UBE2W: variants seen among roughly 807,000 people sequenced by gnomAD.
UBE2W encodes the protein ubiquitin-conjugating enzyme E2 W.
Under a neutral mutation model 27.2 loss-of-function variants are expected in UBE2W, and 18 were observed. That is an observed-to-expected ratio of 0.66 (90% confidence interval 0.46 to 0.98). The LOEUF (loss-of-function observed/expected upper bound fraction) is 0.98, where lower values mean the gene tolerates loss of function less well. UBE2W is among the 50% of genes least tolerant of loss of function. The pLI, the probability that UBE2W is intolerant of heterozygous loss-of-function variation, is 0.00. For synonymous variants in UBE2W, 53 were observed against 57.2 expected (o/e 0.93, Z 0.33); for missense variants, 90 against 180.2 (o/e 0.50, Z 2.87).
At chr8:73,802,102 G>GT (rs1423531624) in intron 5 of UBE2W, among the ~76,000 whole-genome samples, 1 of 152,210 alleles carries the variant, frequency 6.6e-6, no homozygotes, top group Non-Finnish European at 1.5e-5. Flanking sequence ...TGTTAAGGAT[G>GT]TTTTTTAGGA....
chr8:73,842,515 G>C (rs572186673), intron 1 of UBE2W, among the ~76,000 whole-genome samples: 1,238 of 119,778 alleles, frequency 0.01, 20 homozygotes, highest in African/African-American at 0.042. Context: ...GGCGACAGAG[G>C]GAGACTCCGT....
intron 5 of UBE2W, among the ~76,000 whole-genome samples, chr8:73,803,412 A>C (rs1808729227): frequency 6.6e-6 from 1 of 152,164 alleles, no homozygotes; most frequent in Non-Finnish European, 1.5e-5. Context: ...AAATAAGAGG[A>C]ACTGTATTTC....
chr8:73,832,341 G>A (rs762758260), intron 1 of UBE2W, among the ~76,000 whole-genome samples: 4 of 151,880 alleles, frequency 2.6e-5, no homozygotes, highest in Non-Finnish European at 4.4e-5. Flanking sequence ...ACAAAAAGAA[G>A]CAAATAAACT....
intron 1 of UBE2W, chr8:73,833,742 T>C (rs1271516190): frequency 6.6e-6 from 1 of 152,170 alleles, no homozygotes; most frequent in African/African-American, 2.4e-5. Context: ...GCATGCAAGA[T>C]TATAAAGGGT....
rs191499603 is a variant in UBE2W at position 73,877,888 on chromosome 8, G to A, written c.15+920C>T. Among the ~76,000 whole-genome samples, 3 of 152,288 alleles carry A rather than the reference G, an allele frequency of 2.0e-5. No homozygotes were observed. The East Asian group carries it at 5.8e-4, about 29-fold the overall frequency. On this transcript the variant is annotated intron_variant, in intron 1 of 5. Coordinates refer to ENST00000602593, the MANE Select transcript of UBE2W (RefSeq NM_018299.6). Reference sequence around the variant, plus strand: ...ACAACTCCCTAGATTCGGGAAAAAGGAGTAAATTAAGTTGGAAAGCCAGAA... The same window carrying A: ...ACAACTCCCTAGATTCGGGAAAAAGAAGTAAATTAAGTTGGAAAGCCAGAA...
chr8:73,799,825 C>T (rs1051037931), intron 5 of UBE2W, among the ~76,000 whole-genome samples: 15 of 152,122 alleles, frequency 9.9e-5, no homozygotes, highest in African/African-American at 3.1e-4. Context: ...TTGAAAGTCA[C>T]ATAAGGAAAC....
chr8:73,869,856 T>C (rs887770774), intron 1 of UBE2W, among the ~76,000 whole-genome samples: 8 of 151,788 alleles, frequency 5.3e-5, no homozygotes, highest in East Asian at 2.0e-4. Flanking sequence ...AATGAGACCC[T>C]GTCTCACCTG....
At chr8:73,843,453 C>T (rs991502634) in intron 1 of UBE2W, among the ~76,000 whole-genome samples, 54 of 151,946 alleles carry the variant, frequency 3.6e-4, no homozygotes, top group African/African-American at 1.3e-3. Context: ...GGCCACACAG[C>T]GAGACCACAT....
At chr8:73,860,780 A>G (rs1404499826) in intron 1 of UBE2W, among the ~76,000 whole-genome samples, 1 of 152,184 alleles carries the variant, frequency 6.6e-6, no homozygotes. Flanking sequence ...ACAAACAAAC[A>G]AAAAACCTAG....
intron 1 of UBE2W, among the ~76,000 whole-genome samples, chr8:73,842,596 A>G (rs1034483585): frequency 1.1e-4 from 17 of 151,646 alleles, no homozygotes; most frequent in African/African-American, 3.9e-4. Context: ...AAAATAATAA[A>G]GAACTCCAAA....
rs545819043 is a variant in UBE2W, at chr8:73,786,720, G to A, written c.*7382C>T. 1 of 985,416 alleles carries A rather than the reference G, an allele frequency of 1.0e-6. No individual in the cohort carries two copies. The highest frequency in any genetic ancestry group is 4.7e-5 in the South Asian group (1 of 21,286). 61.0% of individuals were successfully genotyped at this position (985,416 alleles called of 1,614,324 possible). A position where few individuals can be genotyped will look rare whatever the true frequency, so the allele number is the denominator to read the frequency against. ...AGCAGCCTAGGGACACCAAGGCCAG[G>A]TAGTGAAAGGCCCTAATGGTAAGGA... On this transcript the variant is annotated 3_prime_UTR_variant, in exon 6 of 6. Coordinates refer to ENST00000602593, the MANE Select transcript of UBE2W (RefSeq NM_018299.6).
At chr8:73,820,019 G>A (rs557455104) in intron 3 of UBE2W, among the ~76,000 whole-genome samples, 10 of 152,098 alleles carry the variant, frequency 6.6e-5, no homozygotes, top group Non-Finnish European at 1.0e-4. Flanking sequence ...GCCCTACGTT[G>A]CCCAGGCTGG....
chr8:73,878,556 C>G (rs559205005), intron 1 of UBE2W, among the ~76,000 whole-genome samples: 2 of 152,188 alleles, frequency 1.3e-5, no homozygotes, highest in African/African-American at 4.8e-5. Context: ...CCCTTTCTTC[C>G]CCAACCCTCC....
At chr8:73,868,480 G>C (rs1451525070) in intron 1 of UBE2W, among the ~76,000 whole-genome samples, 1 of 152,164 alleles carries the variant, frequency 6.6e-6, no homozygotes, top group Non-Finnish European at 1.5e-5. Flanking sequence ...GTCTTCCCCG[G>C]TTTCTGTGAG....
intron 5 of UBE2W, among the ~76,000 whole-genome samples, chr8:73,803,439 A>G (rs1489966922): frequency 6.6e-6 from 1 of 152,134 alleles, no homozygotes; most frequent in African/African-American, 2.4e-5. Context: ...CTGTTCTTCT[A>G]TTAGTATTTT....
At chr8:73,823,064 AGAGCTGTAGATCTGG>A (rs1036659532) in intron 3 of UBE2W, among the ~76,000 whole-genome samples, 10 of 152,204 alleles carry the variant, frequency 6.6e-5, no homozygotes, top group African/African-American at 2.4e-4. Context: ...AAGTGTTCCC[AGAGCTGTAGATCTGG>A]GAGTTAGCTG....
intron 3 of UBE2W, among the ~76,000 whole-genome samples, chr8:73,812,953 T>C (rs571181502): frequency 2.0e-3 from 305 of 149,358 alleles, no homozygotes; most frequent in Non-Finnish European, 3.5e-3. Flanking sequence ...TGCAGTGAGC[T>C]GAGATCGCAC....
intron 1 of UBE2W, among the ~76,000 whole-genome samples, chr8:73,878,423 C>A (rs1586562523): frequency 6.6e-6 from 1 of 152,352 alleles, no homozygotes; most frequent in East Asian, 1.9e-4. Context: ...GCGGGCGCAG[C>A]TGTTTCCGTC....
Position 73,792,956 on chromosome 8 carries a change from G to A in UBE2W, c.*1146C>T. Reference sequence around the variant, plus strand: ...AAAATAAAAATGTCCACACTCTTTTGTTAAAACATTAAGCCTCTGTCAAAA... The same window carrying A: ...AAAATAAAAATGTCCACACTCTTTTATTAAAACATTAAGCCTCTGTCAAAA... On this transcript the variant is annotated 3_prime_UTR_variant, in exon 6 of 6. Coordinates refer to ENST00000602593, the MANE Select transcript of UBE2W (RefSeq NM_018299.6). The A allele has an allele frequency of 3.0e-6, 3 of 985,524 alleles. No homozygotes were observed. Among genetic ancestry groups the A allele is most frequent in the Non-Finnish European group, 3.6e-6 (3 of 829,716 alleles). 61.0% of individuals were successfully genotyped at this position (985,524 alleles called of 1,614,324 possible).
Sources: gnomAD v4.1 joint callset for allele counts (sites outside exome capture counted in the v4.1 genomes callset) on GRCh38, gnomAD v4.1.1 for gene constraint, MANE v1.5 for transcripts, NCBI Gene and HGNC (gene_info 2026-07-23, HGNC 2026-07-21) for gene names.